FRYL: variants seen among roughly 807,000 people sequenced by gnomAD.
FRYL encodes the protein FRY like transcription coactivator.
FRYL carries 150 observed loss-of-function variants against 351.2 expected under a neutral mutation model. That is an observed-to-expected ratio of 0.43 (90% CI 0.37 to 0.49). The LOEUF is 0.49. Ranked by LOEUF, FRYL falls within the 20% of genes least tolerant of loss-of-function variation. The pLI is 0.00. For missense variants in FRYL, 3,036 were observed against 3,619.3 expected (o/e 0.84, Z 4.13); for synonymous variants, 1,153 against 1,257.1 (o/e 0.92, Z 1.75).
At chr4:48,607,723 T>C (rs543770926) in intron 9 of FRYL, among the ~76,000 whole-genome samples, 87 of 152,312 alleles carry the variant, frequency 5.7e-4, no homozygotes, top group South Asian at 1.7e-3. Flanking sequence ...ATTACATGCA[T>C]GAGCAGAAAA....
At chr4:48,639,022 G>A (rs1387735841) in intron 3 of FRYL, among the ~76,000 whole-genome samples, 1 of 151,940 alleles carries the variant, frequency 6.6e-6, no homozygotes, top group African/African-American at 2.4e-5. Flanking sequence ...GGGTTGATGG[G>A]TGCAGCAAAC....
intron 3 of FRYL, among the ~76,000 whole-genome samples, chr4:48,680,196 A>G (rs1764397211): frequency 1.3e-5 from 2 of 151,828 alleles, no homozygotes; most frequent in African/African-American, 2.4e-5. Flanking sequence ...GTTTACAGAA[A>G]CTCCCTTCTA....
chr4:48,686,007 C>G (rs1472286228), intron 2 of FRYL, among the ~76,000 whole-genome samples: 1 of 152,102 alleles, frequency 6.6e-6, no homozygotes, highest in Non-Finnish European at 1.5e-5. Flanking sequence ...CTCCTAAAGG[C>G]TGGGATTACA....
At chr4:48,562,207 T>C (rs564605052) in intron 32 of FRYL, among the ~76,000 whole-genome samples, 32 of 150,624 alleles carry the variant, frequency 2.1e-4, no homozygotes, top group Admixed American at 1.6e-3. Context: ...TATGCATAAG[T>C]GAAAAAAAAA....
At chr4:48,672,786 C>T (rs1480718987) in intron 3 of FRYL, among the ~76,000 whole-genome samples, 2 of 152,200 alleles carry the variant, frequency 1.3e-5, no homozygotes, top group African/African-American at 2.4e-5. Flanking sequence ...CTTCTCTAAA[C>T]TCCTCAAGAA....
chr4:48,529,662 A>T (rs1016635101), intron 50 of FRYL, among the ~76,000 whole-genome samples: 1 of 152,222 alleles, frequency 6.6e-6, no homozygotes, highest in Non-Finnish European at 1.5e-5. Flanking sequence ...ATTCTAATCA[A>T]CAAAAAAGTA....
intron 32 of FRYL, among the ~76,000 whole-genome samples, chr4:48,562,187 T>C (rs187090111): frequency 3.9e-5 from 6 of 152,130 alleles, no homozygotes; most frequent in Admixed American, 3.9e-4. Flanking sequence ...AAAAATATGG[T>C]AGTACAATAT....
At chr4:48,678,957 G>A (rs1026473304) in intron 3 of FRYL, among the ~76,000 whole-genome samples, 1 of 151,824 alleles carries the variant, frequency 6.6e-6, no homozygotes, top group Non-Finnish European at 1.5e-5. Flanking sequence ...TTAAAAAAAA[G>A]AACCAGTTAA....
At chr4:48,711,800 T>A (rs1029282233) in intron 1 of FRYL, among the ~76,000 whole-genome samples, 2 of 152,164 alleles carry the variant, frequency 1.3e-5, no homozygotes, top group African/African-American at 4.8e-5. Flanking sequence ...CCGAGCAGTC[T>A]AACTGGGAGG....
chr4:48,635,468 G>A (rs1754037834), intron 3 of FRYL, among the ~76,000 whole-genome samples: 1 of 152,158 alleles, frequency 6.6e-6, no homozygotes, highest in African/African-American at 2.4e-5. Context: ...AATTAACAAT[G>A]ACTCACAGCA....
rs1375059429 is a variant in FRYL at position 48,619,483 on chromosome 4, CA to C, written c.315-114del. 9.6e-5 allele frequency: 53 copies of C among 551,592 alleles called. No individual in the cohort carries two copies. In the East Asian group the frequency reaches 1.6e-3, roughly 17 times the overall value. 34.2% of individuals were successfully genotyped at this position (551,592 alleles called of 1,614,324 possible). ...TCCTACTATGTAAAATGTGCTACAG[CA>C]ATTGTTAATATGAAGCTTTTTGTTT... On this transcript the variant is annotated intron_variant, in intron 6 of 63. Transcript: ENST00000358350.
intron 57 of FRYL, 109 bp from the exon 58 acceptor site, chr4:48,511,093 T>C: frequency 1.7e-6 from 1 of 597,220 alleles, no homozygotes; most frequent in Non-Finnish European, 2.9e-6. Context: ...ATTATAATGA[T>C]ATATAGAACT....
chr4:48,643,460 C>G (rs1353834366), intron 3 of FRYL, among the ~76,000 whole-genome samples: 1 of 152,154 alleles, frequency 6.6e-6, no homozygotes, highest in Non-Finnish European at 1.5e-5. Flanking sequence ...AGTAATATAA[C>G]TGTATACCTA....
intron 1 of FRYL, among the ~76,000 whole-genome samples, chr4:48,774,649 G>A (rs538992626): frequency 2.0e-5 from 3 of 151,708 alleles, no homozygotes; most frequent in Non-Finnish European, 4.4e-5. Flanking sequence ...GGGTTCAAGC[G>A]ATTCTCTTGC....
At chr4:48,562,607 T>C (rs1033426874) in intron 32 of FRYL, among the ~76,000 whole-genome samples, 3 of 152,214 alleles carry the variant, frequency 2.0e-5, no homozygotes, top group Admixed American at 6.5e-5. Flanking sequence ...CAGAAATACT[T>C]ACATGGACAC....
At chr4:48,769,469 T>C (rs1305731363) in intron 1 of FRYL, among the ~76,000 whole-genome samples, 2 of 152,154 alleles carry the variant, frequency 1.3e-5, no homozygotes, top group African/African-American at 2.4e-5. Flanking sequence ...ATCGATGAAA[T>C]GGAACTTTCC....
At position 48,716,686 on chromosome 4, in the gene FRYL, T is replaced by A. The variant is rs529835253; in HGVS notation, c.-383-5988A>T. ...TACACTGTTGGTGGGTCTGTAAACT[T>A]GTTCAACCATTGTGGAAGTCAGTGT... On this transcript the variant is annotated intron_variant, in intron 1 of 63. Coordinates refer to ENST00000358350, the MANE Select transcript of FRYL (RefSeq NM_015030.2). 3.1e-3 allele frequency among the ~76,000 whole-genome samples: 465 copies of A among 151,622 alleles called. 8 individuals carry two copies. Among genetic ancestry groups the A allele is most frequent in the African/African-American group, 0.011 (453 of 41,414 alleles).
rs2148950029 is a variant in FRYL, at chr4:48,543,879, G to A, written c.5520C>T (p.Leu1840=). 2 of 1,613,916 alleles carry A rather than the reference G, an allele frequency of 1.2e-6. No individual in the cohort carries two copies. Among genetic ancestry groups the A allele is most frequent in the Non-Finnish European group, 1.7e-6 (2 of 1,179,850 alleles). ...GAACATCAGAAAGTGTAGTTGCAGTGAGAGGCTGCTTTAGGGCCCTGAAAA... is the reference window on the plus strand; with the variant it reads ...GAACATCAGAAAGTGTAGTTGCAGTAAGAGGCTGCTTTAGGGCCCTGAAAA... ...FQIFRALKQP[L]TATTLSDVLS... Residue 1840 remains leucine, a synonymous_variant, in exon 44 of 64, where the codon CTC becomes CTT. Coordinates refer to ENST00000358350, the MANE Select transcript of FRYL (RefSeq NM_015030.2).
chr4:48,563,407 C>A (rs1287419183), intron 31 of FRYL, among the ~76,000 whole-genome samples: 1 of 151,942 alleles, frequency 6.6e-6, no homozygotes, highest in African/African-American at 2.4e-5. Flanking sequence ...TACAGTCAAC[C>A]CTCTGTGGAT....
Sources: allele counts gnomAD v4.1 joint callset (sites outside exome capture counted in the v4.1 genomes callset), GRCh38; gene constraint gnomAD v4.1.1; transcripts MANE v1.5; gene names NCBI Gene and HGNC (gene_info 2026-07-23, HGNC 2026-07-21).